Variants in SLC26A4 observed in about 807,000 individuals in gnomAD.
SLC26A4 encodes the protein pendrin.
Under a neutral mutation model 90.4 loss-of-function variants are expected in SLC26A4, and 93 were observed. The observed-to-expected ratio is 1.03, with a 90% CI of 0.87 to 1.22. The LOEUF is 1.22. SLC26A4 is among the 50% of genes most tolerant of loss of function. The pLI is 0.00. For synonymous variants in SLC26A4, 393 were observed against 354.6 expected (o/e 1.11, Z -1.22); for missense variants, 1,127 against 946.2 (o/e 1.19, Z -2.51).
At chr7:107,696,964 G>A (rs1319086963) in intron 13 of SLC26A4, among the ~76,000 whole-genome samples, 1 of 152,130 alleles carries the variant, frequency 6.6e-6, no homozygotes, top group East Asian at 1.9e-4. Flanking sequence ...CACCTCTCCT[G>A]TCCCACCAGC....
At chr7:107,694,785 T>C (rs1791692239) in intron 12 of SLC26A4, 69 bp downstream of exon 12, 1 of 1,022,812 alleles carries the variant, frequency 9.8e-7, no homozygotes, top group Admixed American at 1.7e-5. Flanking sequence ...GCCATATCAC[T>C]ATATTCCCCC....
At chr7:107,686,312 C>CCCTTTCCTA (rs1791403583) in intron 8 of SLC26A4, among the ~76,000 whole-genome samples, 1 of 143,404 alleles carries the variant, frequency 7.0e-6, no homozygotes, top group African/African-American at 2.6e-5. Flanking sequence ...TCCCTTCCCT[C>CCCTTTCCTA]CCTTCCCTCC....
chr7:107,680,012 T>G (rs1279667493), intron 6 of SLC26A4, among the ~76,000 whole-genome samples: 44 of 134,150 alleles, frequency 3.3e-4, no homozygotes, highest in Non-Finnish European at 1.1e-4. Context: ...TCTTATTATA[T>G]AATATAATCT....
chr7:107,669,216 C>T (rs963148405), intron 3 of SLC26A4, among the ~76,000 whole-genome samples: 8 of 152,144 alleles, frequency 5.3e-5, no homozygotes, highest in Non-Finnish European at 1.0e-4. Flanking sequence ...CTCAGCCTCC[C>T]GAAATGCTAG....
chr7:107,681,519 C>T (rs575466212), intron 6 of SLC26A4, among the ~76,000 whole-genome samples: 3 of 152,064 alleles, frequency 2.0e-5, no homozygotes, highest in Admixed American at 1.3e-4. Context: ...CTATAAGATG[C>T]TCCATTATTT....
chr7:107,713,961 C>T (rs985089331), intron 20 of SLC26A4, among the ~76,000 whole-genome samples: 2 of 152,096 alleles, frequency 1.3e-5, no homozygotes, highest in African/African-American at 4.8e-5. Flanking sequence ...GTCACCTGGA[C>T]TGGAGTGCAG....
In SLC26A4 at chr7:107,683,576, C is replaced by A; in HGVS notation, c.1001+39C>A. On this transcript the variant is annotated intron_variant, in intron 8 of 20. Transcript: ENST00000644269. ...TCCTCTTAGTACTAATACATTAAGT[C>A]AGTAAGTCAGTCTTTTTTATTTAAA... 1.4e-6 allele frequency: 2 copies of A among 1,467,340 alleles called. No homozygotes were observed. The highest frequency in any genetic ancestry group is 1.9e-6 in the Non-Finnish European group (2 of 1,049,178). 90.9% of individuals were successfully genotyped at this position (1,467,340 alleles called of 1,614,324 possible).
At chr7:107,683,061 C>T (rs559780608) in intron 6 of SLC26A4, 141 bp from the exon 7 acceptor site, 1 of 663,790 alleles carries the variant, frequency 1.5e-6, no homozygotes, top group Non-Finnish European at 2.6e-6. Context: ...TTTACTGAAA[C>T]TTTTGAGTGT....
chr7:107,708,401 C>G (rs1792086720), intron 18 of SLC26A4, among the ~76,000 whole-genome samples: 1 of 152,162 alleles, frequency 6.6e-6, no homozygotes, highest in South Asian at 2.1e-4. Flanking sequence ...AAAAATTACT[C>G]TCTTTTCAAT....
intron 3 of SLC26A4, 142 bp downstream of exon 3, chr7:107,663,577 C>A (rs1315936277): frequency 1.1e-6 from 1 of 880,780 alleles, no homozygotes; most frequent in African/African-American, 1.6e-5. Flanking sequence ...GAGAGAGTCA[C>A]CTCTCTTCTC....
rs1266737747 is a variant in SLC26A4 at position 107,716,806 on chromosome 7, C to G, written c.*1360C>G. The G allele has an allele frequency of 6.6e-6, 1 of 152,142 alleles. No individual in the cohort carries two copies. The highest frequency in any genetic ancestry group is 1.5e-5 in the Non-Finnish European group (1 of 68,032). 9.4% of individuals were successfully genotyped at this position (152,142 alleles called of 1,614,324 possible). A position where few individuals can be genotyped will look rare whatever the true frequency, so the allele number is the denominator to read the frequency against. ...TATACTCCAGGGATTGGTTTCAGGACCCCTGCATTTACCAAAATTTGTGCA... is the reference window on the plus strand; with the variant it reads ...TATACTCCAGGGATTGGTTTCAGGAGCCCTGCATTTACCAAAATTTGTGCA... On this transcript the variant is annotated 3_prime_UTR_variant, in exon 21 of 21. Coordinates refer to ENST00000644269, the MANE Select transcript of SLC26A4 (RefSeq NM_000441.2).
intron 20 of SLC26A4, among the ~76,000 whole-genome samples, chr7:107,715,034 G>C (rs1792303770): frequency 7.0e-6 from 1 of 143,584 alleles, no homozygotes; most frequent in Non-Finnish European, 1.5e-5. Flanking sequence ...AGACCAGCCT[G>C]ACTAACATGG....
At chr7:107,663,143 G>A (rs941748858) in intron 2 of SLC26A4, among the ~76,000 whole-genome samples, 153 bp from the exon 3 acceptor site, 1 of 152,200 alleles carries the variant, frequency 6.6e-6, no homozygotes, top group Non-Finnish European at 1.5e-5. Context: ...CAAAAGCATG[G>A]TAAGCACTTC....
At position 107,661,756 on chromosome 7, in the gene SLC26A4, C is replaced by A; in HGVS notation, c.115C>A (p.Arg39Ser). ...ELAFQQQHERRLQERKTLRES... is the reference protein window; with the variant it reads ...ELAFQQQHERSLQERKTLRES... Reference sequence around the variant, plus strand: ...CGCTTTCCAGCAACAGCACGAGCGGCGCCTGCAGGAGCGCAAGACGCTGCG... The same window carrying A: ...CGCTTTCCAGCAACAGCACGAGCGGAGCCTGCAGGAGCGCAAGACGCTGCG... Residue 39 changes from arginine to serine, a missense_variant, in exon 2 of 21, where the codon CGC (arginine) becomes AGC (serine). By Grantham distance (110) the Arg-to-Ser change is moderately radical. Coordinates refer to ENST00000644269, the MANE Select transcript of SLC26A4 (RefSeq NM_000441.2). This position sits in a 1 kb window ranked among gnomAD's most constrained non-coding sequence, Gnocchi z 5.1. 6.5e-7 allele frequency: 1 copy of A among 1,545,742 alleles called. No homozygotes were observed.
At chr7:107,708,584 C>T (rs1041511239) in intron 18 of SLC26A4, among the ~76,000 whole-genome samples, 30 of 152,068 alleles carry the variant, frequency 2.0e-4, no homozygotes, top group Non-Finnish European at 8.8e-5. Context: ...CCGGTCATGG[C>T]GGCTCACATC....
chr7:107,685,789 T>C (rs970877346), intron 8 of SLC26A4, among the ~76,000 whole-genome samples: 9 of 152,236 alleles, frequency 5.9e-5, no homozygotes, highest in Admixed American at 2.6e-4. Context: ...TATCTGCAAC[T>C]CGTAATCTGC....
Position 107,698,067 on chromosome 7 carries a change from A to G in SLC26A4, c.1570A>G (p.Ile524Val). ...QFPSWNGLGS[I>V]PSTDIYKSTK... ...TCCTTCTTGGAATGGCCTTGGAAGC[A>G]TCCCTAGCACAGATATCTACAAAAG... Residue 524 changes from isoleucine to valine, a missense_variant, in exon 14 of 21, where the codon ATC becomes GTC. Physicochemically the swap from Ile to Val is conservative, Grantham distance 29. Coordinates refer to ENST00000644269, the MANE Select transcript of SLC26A4 (RefSeq NM_000441.2). 5.0e-6 allele frequency: 8 copies of G among 1,610,826 alleles called. No individual in the cohort carries two copies. Among genetic ancestry groups the G allele is most frequent in the Non-Finnish European group, 6.8e-6 (8 of 1,177,044 alleles).
chr7:107,678,592 A>G (rs563990584), intron 6 of SLC26A4, among the ~76,000 whole-genome samples: 2 of 152,368 alleles, frequency 1.3e-5, no homozygotes, highest in East Asian at 3.9e-4. Flanking sequence ...GTCATTATGT[A>G]ACTTACTTCC....
rs780244667 is a variant in SLC26A4, at chr7:107,661,605, G to C, written c.-3-34G>C. ...CCCTCCGATCGTCCTCGCTTACCGC[G>C]TGTCCTCCCTCCTCGCTGTCCTCTG... On this transcript the variant is annotated intron_variant, in intron 1 of 20. Coordinates refer to ENST00000644269, the MANE Select transcript of SLC26A4 (RefSeq NM_000441.2). This position sits in a 1 kb window ranked among gnomAD's most constrained non-coding sequence, Gnocchi z 5.1. 3 of 1,542,256 alleles carry C rather than the reference G, an allele frequency of 1.9e-6. No homozygotes were observed. Among genetic ancestry groups the C allele is most frequent in the Non-Finnish European group, 8.7e-7 (1 of 1,148,920 alleles).
Sources: gnomAD v4.1 joint callset for allele counts (sites outside exome capture counted in the v4.1 genomes callset) on GRCh38, gnomAD v4.1.1 for gene constraint, Gnocchi (gnomAD v3.1) non-coding constraint, MANE v1.5 for transcripts, NCBI Gene and HGNC (gene_info 2026-07-23, HGNC 2026-07-21) for gene names.